Variants in CCDC171 observed in about 807,000 individuals in gnomAD.
The protein encoded by CCDC171 is coiled-coil domain containing 171.
A neutral mutation model predicts 168.2 loss-of-function variants in CCDC171; 177 were observed. That is an observed-to-expected ratio of 1.05 (90% CI 0.93 to 1.19). CCDC171 has a LOEUF of 1.19. Among genes scored for constraint, CCDC171 ranks in the 50% most tolerant of loss-of-function variants. The pLI, the probability that CCDC171 is intolerant of heterozygous loss-of-function variation, is 0.00. For synonymous variants in CCDC171, 687 were observed against 540.8 expected (o/e 1.27, Z -3.75); for missense variants, 1,991 against 1,539.0 (o/e 1.29, Z -4.91).
At chr9:15,734,133 A>G (rs1269212885) in intron 16 of CCDC171, among the ~76,000 whole-genome samples, 5 of 152,168 alleles carry the variant, frequency 3.3e-5, no homozygotes, top group Admixed American at 1.3e-4. Flanking sequence ...TTTTAGGAGA[A>G]GCTCTCATTG....
intron 1 of CCDC171, among the ~76,000 whole-genome samples, chr9:15,562,887 A>G (rs963201556): frequency 8.0e-6 from 1 of 125,434 alleles, no homozygotes; most frequent in African/African-American, 3.0e-5. Flanking sequence ...TTTTGGGACA[A>G]TATCTGAAGA....
upstream of CCDC171, among the ~76,000 whole-genome samples, chr9:16,038,669 C>T (rs1352946946): frequency 6.6e-6 from 1 of 151,806 alleles, no homozygotes; most frequent in African/African-American, 2.4e-5. Flanking sequence ...TCATATATAG[C>T]AAAGTAAACA....
chr9:15,891,394 G>A (rs897671655), intron 24 of CCDC171, among the ~76,000 whole-genome samples: 2 of 152,068 alleles, frequency 1.3e-5, no homozygotes, highest in Non-Finnish European at 2.9e-5. Flanking sequence ...TACTCTTTAA[G>A]ACAATTTTTA....
At chr9:15,992,144 C>G (rs1394044416) in intron 3 of CCDC171, among the ~76,000 whole-genome samples, 1 of 152,146 alleles carries the variant, frequency 6.6e-6, no homozygotes, top group African/African-American at 2.4e-5. Context: ...GAATTTTAGA[C>G]CAATATCCCT....
At chr9:15,773,383 C>T (rs1411468988) in intron 18 of CCDC171, among the ~76,000 whole-genome samples, 2 of 152,180 alleles carry the variant, frequency 1.3e-5, no homozygotes, top group Non-Finnish European at 2.9e-5. Flanking sequence ...TCAAGATCTG[C>T]AGCCCACAGA....
intron 23 of CCDC171, among the ~76,000 whole-genome samples, chr9:15,850,789 C>T (rs1388459396): frequency 6.6e-6 from 1 of 151,904 alleles, no homozygotes; most frequent in Non-Finnish European, 1.5e-5. Context: ...CCACCTTGGA[C>T]TTCCCATTGG....
chr9:15,895,476 G>C (rs1820782455), intron 24 of CCDC171, among the ~76,000 whole-genome samples: 1 of 152,078 alleles, frequency 6.6e-6, no homozygotes. Flanking sequence ...TGCCTGAATT[G>C]TAGCTGACAC....
chr9:15,931,313 T>G (rs760684858), intron 25 of CCDC171, among the ~76,000 whole-genome samples: 58 of 151,878 alleles, frequency 3.8e-4, no homozygotes, highest in Non-Finnish European at 7.5e-4. Flanking sequence ...TCATTGTGGT[T>G]TTGATTTGCA....
intron 10 of CCDC171, among the ~76,000 whole-genome samples, chr9:15,680,466 C>T (rs1305565195): frequency 6.6e-6 from 1 of 152,166 alleles, no homozygotes; most frequent in East Asian, 1.9e-4. Context: ...AGGAATTGGT[C>T]ACCAAATCAG....
At chr9:16,065,270 A>G (rs894659079), downstream of CCDC171, among the ~76,000 whole-genome samples, 4 of 152,152 alleles carry the variant, frequency 2.6e-5, no homozygotes, top group African/African-American at 9.7e-5. Flanking sequence ...CACATTCTCC[A>G]TTATTGCTGC....
intron 25 of CCDC171, among the ~76,000 whole-genome samples, chr9:15,961,436 C>G (rs1830320919): frequency 6.6e-6 from 1 of 152,126 alleles, no homozygotes; most frequent in African/African-American, 2.4e-5. Flanking sequence ...AATGAAGGCA[C>G]ACAAGTTATA....
At chr9:15,928,455 C>A (rs766024275) in intron 25 of CCDC171, among the ~76,000 whole-genome samples, 1 of 151,640 alleles carries the variant, frequency 6.6e-6, no homozygotes, top group South Asian at 2.1e-4. Flanking sequence ...GGAGAAGGGG[C>A]CAGCTGTGTG....
At position 15,727,974 on chromosome 9, in the gene CCDC171, T is replaced by C. The variant is rs1564295843; in HGVS notation, c.1798T>C (p.Cys600Arg). 1.2e-6 allele frequency: 2 copies of C among 1,613,344 alleles called. No homozygotes were observed. Among genetic ancestry groups the C allele is most frequent in the African/African-American group, 1.3e-5 (1 of 74,874 alleles). Residue 600 changes from cysteine (C) to arginine (R), a missense_variant, in exon 15 of 26, where the codon TGT becomes CGT. Coordinates refer to ENST00000380701, the MANE Select transcript of CCDC171 (RefSeq NM_173550.4). ...MLDKFSWSEL[C>R]AVLQENVDAL... ...GGATAAATTCTCTTGGTCTGAGCTTTGTGCAGTCTTACAGGAGAATGTTGA... is the reference window on the plus strand; with the variant it reads ...GGATAAATTCTCTTGGTCTGAGCTTCGTGCAGTCTTACAGGAGAATGTTGA...
intron 18 of CCDC171, among the ~76,000 whole-genome samples, chr9:15,749,721 T>A (rs2055582395): frequency 6.6e-6 from 1 of 152,188 alleles, no homozygotes; most frequent in South Asian, 2.1e-4. Flanking sequence ...CCTGAATGAC[T>A]ACTGGGTAAA....
chr9:15,846,939 T>C, intron 22 of CCDC171, 92 bp downstream of exon 22: 1 of 1,129,868 alleles, frequency 8.9e-7, no homozygotes, highest in Non-Finnish European at 1.2e-6. Context: ...GATAATACAG[T>C]GTTAGAAAAC....
chr9:15,696,937 A>G (rs1261032181), intron 11 of CCDC171, among the ~76,000 whole-genome samples: 1 of 152,018 alleles, frequency 6.6e-6, no homozygotes, highest in Non-Finnish European at 1.5e-5. Flanking sequence ...TGATTTTTGG[A>G]TTGTTACAGA....
At chr9:15,751,795 C>T (rs1256209051) in intron 18 of CCDC171, among the ~76,000 whole-genome samples, 1 of 152,090 alleles carries the variant, frequency 6.6e-6, no homozygotes, top group Non-Finnish European at 1.5e-5. Context: ...AGACCTAAAA[C>T]CATAAAAACG....
chr9:15,635,547 C>G (rs2046134592), intron 7 of CCDC171, among the ~76,000 whole-genome samples: 1 of 152,160 alleles, frequency 6.6e-6, no homozygotes, highest in African/African-American at 2.4e-5. Context: ...GCCATGCTGG[C>G]AGCTGATTAG....
chr9:15,875,070 A>G (rs916524896), intron 24 of CCDC171: 4 of 152,406 alleles, frequency 2.6e-5, no homozygotes, highest in African/African-American at 4.8e-5. Context: ...AGTTGTAAAC[A>G]TCAAAAGAGA....
Sources: gnomAD v4.1 joint callset for allele counts (sites outside exome capture counted in the v4.1 genomes callset) on GRCh38, gnomAD v4.1.1 for gene constraint, MANE v1.5 for transcripts, NCBI Gene and HGNC (gene_info 2026-07-23, HGNC 2026-07-21) for gene names.